Variants in MTIF2 observed in about 807,000 individuals in gnomAD.
MTIF2 encodes the protein mitochondrial translational initiation factor 2.
Under a neutral mutation model 83.5 loss-of-function variants are expected in MTIF2, and 71 were observed. The observed-to-expected ratio is 0.85, with a 90% confidence interval of 0.70 to 1.04. The LOEUF is 1.04. Ranked by LOEUF, MTIF2 falls within the 50% of genes least tolerant of loss-of-function variation. The probability of loss-of-function intolerance (pLI) is 0.00; values close to 1 mark genes in which losing one functional copy is unlikely to be tolerated. For missense variants in MTIF2, 957 were observed against 846.5 expected, an observed-to-expected ratio of 1.13 and a Z score of -1.62; for synonymous variants, 319 against 287.1, an observed-to-expected ratio of 1.11 and a Z score of -1.12.
At chr2:55,241,534 A>G (rs1573855618) in intron 13 of MTIF2, among the ~76,000 whole-genome samples, 1 of 151,922 alleles carries the variant, frequency 6.6e-6, no homozygotes, top group East Asian at 1.9e-4. Flanking sequence ...AATCACCTTG[A>G]AAGTCCTATC....
At chr2:55,257,283 G>C (rs778130906) in intron 5 of MTIF2, among the ~76,000 whole-genome samples, 1 of 151,982 alleles carries the variant, frequency 6.6e-6, no homozygotes. Flanking sequence ...AGTTTGAGAC[G>C]AGCCTGGCCA....
chr2:55,261,974 T>C (rs1450121392), intron 5 of MTIF2, among the ~76,000 whole-genome samples: 1 of 148,308 alleles, frequency 6.7e-6, no homozygotes, highest in African/African-American at 2.5e-5. Context: ...AAAAGAAAAT[T>C]ATAGAAAAAC....
rs760923762 is a variant in MTIF2 at position 55,254,124 on chromosome 2, G to A, written c.581C>T (p.Thr194Met). 64 of 1,614,024 alleles carry A rather than the reference G, an allele frequency of 4.0e-5. No homozygotes were observed. The highest frequency in any genetic ancestry group is 4.7e-5 in the Non-Finnish European group (56 of 1,180,018). ...TTTTCGAAATTTGTCAAGTAATGTC[G>A]TTTTCCCGTGATCAACATGGCCCAT... ...TIMGHVDHGK[T>M]TLLDKFRKTQ... The change falls in exon 7 of 16, where the codon ACG (threonine) becomes ATG (methionine). Residue 194 changes from threonine to methionine, a missense_variant. Thr to Met is a moderately conservative substitution (Grantham distance 81, BLOSUM62 -1). Transcript: ENST00000263629.
intron 9 of MTIF2, among the ~76,000 whole-genome samples, chr2:55,247,565 T>A (rs551985799): frequency 1.3e-5 from 2 of 151,948 alleles, no homozygotes; most frequent in Non-Finnish European, 2.9e-5. Flanking sequence ...AAACAAAAAA[T>A]AAAACAATAG....
intron 9 of MTIF2, among the ~76,000 whole-genome samples, chr2:55,247,274 G>C (rs1265828300): frequency 1.3e-5 from 2 of 152,162 alleles, no homozygotes; most frequent in Non-Finnish European, 2.9e-5. Context: ...CAACAGACAA[G>C]GGCCGGGCAC....
chr2:55,255,308 C>G (rs1334182824), intron 5 of MTIF2, among the ~76,000 whole-genome samples: 1 of 149,462 alleles, frequency 6.7e-6, no homozygotes, highest in African/African-American at 2.4e-5. Flanking sequence ...TCCTGCAAGC[C>G]TTTAGTCACA....
At chr2:55,249,639 TG>T in intron 8 of MTIF2, 105 bp from the exon 9 acceptor site, 1 of 1,386,342 alleles carries the variant, frequency 7.2e-7, no homozygotes, top group East Asian at 2.4e-5. Flanking sequence ...CTTTATTCAG[TG>T]GATGTTTTTA....
Position 55,267,652 on chromosome 2 carries a change from A to C in MTIF2, c.-74-17T>G, listed in dbSNP as rs1370973672. 1 of 163,244 alleles carries C rather than the reference A, an allele frequency of 6.1e-6. No homozygotes were observed. Among genetic ancestry groups the C allele is most frequent in the African/African-American group, 2.4e-5 (1 of 41,558 alleles). The allele number at this position is 163,244 out of a possible 1,614,324, so 10.1% of individuals were successfully genotyped here. ...TCCGGATCTCTGTTAAAAATAAATA[A>C]ATAAATAAGTGTTTGAATATCTGTC... On this transcript the variant is annotated splice_polypyrimidine_tract_variant and intron_variant, in intron 2 of 15. Coordinates refer to ENST00000263629, the MANE Select transcript of MTIF2 (RefSeq NM_002453.3).
At chr2:55,240,313 G>T in intron 13 of MTIF2, 138 bp from the exon 14 acceptor site, 1 of 776,608 alleles carries the variant, frequency 1.3e-6, no homozygotes, top group Non-Finnish European at 2.0e-6. Context: ...AGGTGCAGTG[G>T]CTCACGCCTG....
In MTIF2 at chr2:55,260,463, A is replaced by G. The variant is rs1013340897; in HGVS notation, c.331+1853T>C. ...AATTTTGTACTCTTTGTAAGGATGT[A>G]CATGCACAAAAAGTAGTAACACTTT... On this transcript the variant is annotated intron_variant, in intron 5 of 15. Transcript: ENST00000263629. 2.6e-5 allele frequency among the ~76,000 whole-genome samples: 4 copies of G among 152,058 alleles called. No individual in the cohort carries two copies. In the East Asian group the frequency reaches 7.7e-4, roughly 29 times the overall value.
intron 10 of MTIF2, 90 bp downstream of exon 10, chr2:55,246,244 CAAT>C: frequency 7.8e-7 from 1 of 1,279,196 alleles, no homozygotes; most frequent in African/African-American, 1.7e-5. Flanking sequence ...CATGAACTAA[CAAT>C]AACATGTAAC....
intron 10 of MTIF2, 48 bp downstream of exon 10, chr2:55,246,289 C>T (rs761512022): frequency 3.3e-6 from 5 of 1,532,432 alleles, no homozygotes; most frequent in Admixed American, 2.0e-5. Flanking sequence ...AATCAAGTCA[C>T]GAAAACCACA....
chr2:55,251,557 T>A (rs1029826182), intron 8 of MTIF2, among the ~76,000 whole-genome samples: 4 of 152,192 alleles, frequency 2.6e-5, no homozygotes, highest in Non-Finnish European at 5.9e-5. Context: ...ATGACACACT[T>A]TATCGAGTAC....
intron 3 of MTIF2, among the ~76,000 whole-genome samples, chr2:55,266,716 C>T (rs970836730): frequency 3.4e-5 from 5 of 145,058 alleles, no homozygotes; most frequent in African/African-American, 7.6e-5. Flanking sequence ...AGGCTCTGGA[C>T]GGGTGATCTT....
Position 55,263,640 on chromosome 2 carries a change from CT to C in MTIF2, c.218del (p.Lys73ArgfsTer19), listed in dbSNP as rs1678210206. On this transcript the variant is annotated frameshift_variant and splice_region_variant, in exon 4 of 16. Transcript: ENST00000263629. LOFTEE classifies it high-confidence loss of function. ...AAAAAAAAAAGAAATCTGTAACTAC[CT>C]TTTTTGTTACTAGAAGCCTATACTG... The part of the protein sequence containing the change: ...LSQYRLLVTK[K>X]EEGPWKSQLS... The C allele has an allele frequency of 1.3e-6, 2 of 1,588,736 alleles. No individual in the cohort carries two copies. The highest frequency in any genetic ancestry group is 1.7e-6 in the Non-Finnish European group (2 of 1,170,642).
Position 55,243,702 on chromosome 2 carries a change from T to C in MTIF2, c.1312-34A>G, listed in dbSNP as rs754143927. On this transcript the variant is annotated intron_variant, in intron 11 of 15. Transcript: ENST00000263629. Reference sequence around the variant, plus strand: ...GGGAAAAACGTATTATTTAATGAAATAGACATCAATAACTGCTAGATTAAA... The same window carrying C: ...GGGAAAAACGTATTATTTAATGAAACAGACATCAATAACTGCTAGATTAAA... 11 of 1,597,222 alleles carry C rather than the reference T, an allele frequency of 6.9e-6. 1 individual carries two copies. The South Asian group carries it at 7.9e-5, about 12-fold the overall frequency.
chr2:55,237,482 C>T (rs1866034), intron 14 of MTIF2, 54 bp from the exon 15 acceptor site: 37 of 1,501,656 alleles, frequency 2.5e-5, no homozygotes, highest in Middle Eastern at 2.4e-4. Context: ...CTGATAAATA[C>T]GTAATTTCTG....
chr2:55,249,550 T>G lies in MTIF2; in HGVS notation c.842-16A>C. The G allele has an allele frequency of 6.2e-7, 1 of 1,610,392 alleles. No homozygotes were observed. The highest frequency in any genetic ancestry group is 1.7e-4 in the Middle Eastern group (1 of 6,048). On this transcript the variant is annotated splice_polypyrimidine_tract_variant and intron_variant, in intron 8 of 15. Transcript: ENST00000263629. ...ATAATAGGAACTGAAAGAAATGGAG[T>G]TAAAAAGAGTGAAAATGATGACACC...
At chr2:55,268,077 A>AC (rs1331687216) in intron 2 of MTIF2, among the ~76,000 whole-genome samples, 2 of 151,926 alleles carry the variant, frequency 1.3e-5, no homozygotes, top group Admixed American at 6.6e-5. Flanking sequence ...ACATGGTGAA[A>AC]CCCCCTCTCT....
Sources: gnomAD v4.1 joint callset for allele counts (sites outside exome capture counted in the v4.1 genomes callset) on GRCh38, gnomAD v4.1.1 for gene constraint, MANE v1.5 for transcripts, NCBI Gene and HGNC (gene_info 2026-07-23, HGNC 2026-07-21) for gene names.